COL11A1: variants seen among roughly 807,000 people sequenced by gnomAD.
COL11A1 encodes the protein collagen alpha-1(XI) chain.
A neutral mutation model predicts 265.2 loss-of-function variants in COL11A1; 74 were observed. That is an observed-to-expected ratio of 0.28 (90% confidence interval 0.23 to 0.34). The LOEUF (loss-of-function observed/expected upper bound fraction) is 0.34, where lower values mean the gene tolerates loss of function less well. Among genes scored for constraint, COL11A1 ranks in the 10% least tolerant of loss-of-function variants. COL11A1 has a pLI of 1.00. For synonymous variants in COL11A1, 816 were observed against 727.6 expected, an observed-to-expected ratio of 1.12 and a Z score of -1.96; for missense variants, 2,165 against 2,263.6, an observed-to-expected ratio of 0.96 and a Z score of 0.88.
At chr1:103,054,594 TA>T in intron 4 of COL11A1, among the ~76,000 whole-genome samples, 1 of 149,622 alleles carries the variant, frequency 6.7e-6, no homozygotes, top group African/African-American at 2.4e-5. Context: ...TTGTTGTTTC[TA>T]AAAAAAAGAA....
intron 4 of COL11A1, among the ~76,000 whole-genome samples, chr1:103,032,388 A>G (rs558954552): frequency 1.3e-5 from 2 of 152,238 alleles, no homozygotes; most frequent in Non-Finnish European, 2.9e-5. Flanking sequence ...TTTTTTATTA[A>G]CAGATACTTA....
Position 102,948,492 on chromosome 1 carries a change from T to C in COL11A1, c.3169-1536A>G, listed in dbSNP as rs901912201. 2.0e-5 allele frequency among the ~76,000 whole-genome samples: 3 copies of C among 152,114 alleles called. No individual in the cohort carries two copies. In the East Asian group the frequency reaches 5.8e-4, roughly 29 times the overall value. The stretch of plus-strand genomic sequence containing the variant: ...TTGATAGAAATAATTTGGAGAGACA[T>C]TGCCAAAAATATAATTAAGGAAATT... On this transcript the variant is annotated intron_variant, in intron 41 of 66. Coordinates refer to ENST00000370096, the MANE Select transcript of COL11A1 (RefSeq NM_001854.4).
intron 4 of COL11A1, among the ~76,000 whole-genome samples, chr1:103,064,331 G>A (rs763096644): frequency 3.3e-5 from 5 of 152,080 alleles, no homozygotes; most frequent in Non-Finnish European, 7.4e-5. Context: ...TGATAAATAT[G>A]TACCACATCC....
chr1:102,890,231 C>A lies in COL11A1; in HGVS notation c.4356+220G>T, dbSNP rs186749898. ...TCTACATATGGTTGCTATAATGGAA[C>A]CTTGAGAAGATATAGCACTGAATTC... On this transcript the variant is annotated intron_variant, in intron 58 of 66. Coordinates refer to ENST00000370096, the MANE Select transcript of COL11A1 (RefSeq NM_001854.4). Among the ~76,000 whole-genome samples the A allele has an allele frequency of 7.1e-3, 1,073 of 152,020 alleles. 18 individuals carry two copies. The highest frequency in any genetic ancestry group is 0.024 in the African/African-American group (1,015 of 41,484).
intron 4 of COL11A1, among the ~76,000 whole-genome samples, chr1:103,073,693 T>C (rs2102276229): frequency 6.6e-6 from 1 of 152,052 alleles, no homozygotes; most frequent in South Asian, 2.1e-4. Flanking sequence ...AAAACTACAC[T>C]GTAGGATATA....
chr1:103,003,292 C>A lies in COL11A1; in HGVS notation c.1945-24G>T, dbSNP rs371648459. ...CCCTAGGAGAAAAAGAAAAAGCACGCCTTTATTAAAAAAAAAAAATGTCCT... is the reference window on the plus strand; with the variant it reads ...CCCTAGGAGAAAAAGAAAAAGCACGACTTTATTAAAAAAAAAAAATGTCCT... On this transcript the variant is annotated intron_variant, in intron 20 of 66. Coordinates refer to ENST00000370096, the MANE Select transcript of COL11A1 (RefSeq NM_001854.4). The A allele has an allele frequency of 4.6e-5, 74 of 1,606,434 alleles. No homozygotes were observed. The African/African-American group carries it at 9.3e-4, about 20-fold the overall frequency.
chr1:102,986,737 A>C (rs1477994759), intron 30 of COL11A1, among the ~76,000 whole-genome samples: 1 of 152,164 alleles, frequency 6.6e-6, no homozygotes, highest in African/African-American at 2.4e-5. Flanking sequence ...ACATTATAAC[A>C]TGAAGTCAAA....
At chr1:102,904,390 A>C (rs969087756) in intron 54 of COL11A1, among the ~76,000 whole-genome samples, 1 of 152,164 alleles carries the variant, frequency 6.6e-6, no homozygotes, top group Admixed American at 6.5e-5. Context: ...TAATTAAACT[A>C]AAGAGATTCT....
At chr1:103,028,500 C>T (rs939848459) in intron 5 of COL11A1, among the ~76,000 whole-genome samples, 3 of 151,998 alleles carry the variant, frequency 2.0e-5, no homozygotes, top group Admixed American at 6.6e-5. Context: ...AATTCTCTCC[C>T]CTCATTATGG....
rs747506988 is a variant in COL11A1 at position 103,082,808 on chromosome 1, G to A, written c.271C>T (p.Pro91Ser). The A allele has an allele frequency of 6.2e-7, 1 of 1,611,896 alleles. No individual in the cohort carries two copies. Among genetic ancestry groups the A allele is most frequent in the African/African-American group, 1.3e-5 (1 of 74,844 alleles). The change falls in exon 2 of 67, where the codon CCA becomes TCA. Residue 91 changes from proline to serine, a missense_variant. Coordinates refer to ENST00000370096, the MANE Select transcript of COL11A1 (RefSeq NM_001854.4). ...QLSAPTKQLF[P>S]GGTFPEDFSI... The stretch of plus-strand genomic sequence containing the variant: ...AATAATAATAAAGTGAATATACCTG[G>A]AAATAACTGTTTTGTTGGGGCACTG...
chr1:103,091,577 T>C (rs1673327183), intron 1 of COL11A1, among the ~76,000 whole-genome samples: 1 of 152,072 alleles, frequency 6.6e-6, no homozygotes, highest in Non-Finnish European at 1.5e-5. Context: ...AGTTGTATAG[T>C]TTACATTAAT....
chr1:102,897,924 A>T (rs759172290), intron 57 of COL11A1, among the ~76,000 whole-genome samples: 1 of 152,200 alleles, frequency 6.6e-6, no homozygotes, highest in Non-Finnish European at 1.5e-5. Context: ...TAAGAAAGAA[A>T]CAAATCTTCT....
chr1:102,903,938 C>T (rs771897828), intron 54 of COL11A1, among the ~76,000 whole-genome samples: 1 of 152,196 alleles, frequency 6.6e-6, no homozygotes, highest in Non-Finnish European at 1.5e-5. Flanking sequence ...TCTTGGCTCA[C>T]TGCAGCCTCG....
chr1:103,001,067 AAACTC>A, intron 24 of COL11A1: 2 of 396,688 alleles, frequency 5.0e-6, no homozygotes, highest in Non-Finnish European at 8.9e-6. Context: ...AATATTCAGA[AAACTC>A]AAATCTACAG....
At chr1:103,035,618 G>C (rs1668307227) in intron 4 of COL11A1, among the ~76,000 whole-genome samples, 3 of 151,908 alleles carry the variant, frequency 2.0e-5, no homozygotes, top group South Asian at 4.1e-4. Context: ...TAATATGCTA[G>C]TATGTCCTAG....
intron 1 of COL11A1, among the ~76,000 whole-genome samples, chr1:103,087,630 T>C (rs1672982170): frequency 6.6e-6 from 1 of 152,202 alleles, no homozygotes; most frequent in African/African-American, 2.4e-5. Flanking sequence ...CCATGTTCTC[T>C]GGCTTGCTTC....
At chr1:102,936,000 T>C (rs1658101461) in intron 44 of COL11A1, among the ~76,000 whole-genome samples, 2 of 152,204 alleles carry the variant, frequency 1.3e-5, no homozygotes. Context: ...GCGCTTATCA[T>C]GTTGGTAGCT....
intron 1 of COL11A1, among the ~76,000 whole-genome samples, chr1:103,090,379 T>C (rs1001242778): frequency 6.6e-6 from 1 of 152,148 alleles, no homozygotes; most frequent in African/African-American, 2.4e-5. Flanking sequence ...TAGTGAGATG[T>C]AGGACTGACA....
At chr1:103,061,038 A>T (rs151321467) in intron 4 of COL11A1, among the ~76,000 whole-genome samples, 1 of 152,272 alleles carries the variant, frequency 6.6e-6, no homozygotes, top group East Asian at 1.9e-4. Flanking sequence ...ATAAAAACAC[A>T]TACAAAGTAA....
Sources: allele counts gnomAD v4.1 joint callset (sites outside exome capture counted in the v4.1 genomes callset), GRCh38; gene constraint gnomAD v4.1.1; transcripts MANE v1.5; gene names NCBI Gene and HGNC (gene_info 2026-07-23, HGNC 2026-07-21).